The following MAST3 variants were observed in gnomAD, a reference collection of about 807,000 sequenced individuals.
MAST3 encodes the protein microtubule-associated serine/threonine-protein kinase 3.
A neutral mutation model predicts 127.0 loss-of-function variants in MAST3; 43 were observed. The observed-to-expected ratio is 0.34, with a 90% CI of 0.27 to 0.44. MAST3 has a LOEUF of 0.44. Ranked by LOEUF, MAST3 falls within the 20% of genes least tolerant of loss-of-function variation. The pLI is 1.00. For missense variants in MAST3, 1,390 were observed against 1,919.1 expected (o/e 0.72, Z 5.15); for synonymous variants, 785 against 809.2 (o/e 0.97, Z 0.51).
In MAST3 at chr19:18,151,386, AGTC is replaced by A. The variant is rs1344880848; in HGVS notation, c.*1663_*1665del. 6.6e-6 allele frequency: 1 copy of A among 152,198 alleles called. No homozygotes were observed. Among genetic ancestry groups the A allele is most frequent in the African/African-American group, 2.4e-5 (1 of 41,448 alleles). The allele number at this position is 152,198 out of a possible 1,614,324, so 9.4% of individuals were successfully genotyped here. A position where few individuals can be genotyped will look rare whatever the true frequency, so the allele number is the denominator to read the frequency against. On this transcript the variant is annotated 3_prime_UTR_variant, in exon 28 of 28. Coordinates refer to ENST00000687212, the MANE Select transcript of MAST3 (RefSeq NM_001393504.1). ...ACCTGTCCCACGATCACCCAGCAGG[AGTC>A]GTGGCAGAACGGAGCATCAGCCAGA...
rs1416828574 is a variant in MAST3, at chr19:18,123,997, C to T, written c.692C>T (p.Ala231Val). The change falls in exon 9 of 28, where the codon GCC becomes GTC. Residue 231 changes from alanine (A) to valine (V), a missense_variant. Transcript: ENST00000687212. ...QEFLTAYAPG[A>V]RLALADGVLG... is the part of the protein sequence containing the mutation. ...TTCCTGACGGCCTACGCGCCCGGCG[C>T]CCGGCTGGCGCTGGCTGATGGCGTC... 6.3e-7 allele frequency: 1 copy of T among 1,593,664 alleles called. No homozygotes were observed. Among genetic ancestry groups the T allele is most frequent in the Admixed American group, 1.7e-5 (1 of 57,486 alleles).
rs1223555865 is a variant in MAST3, at chr19:18,137,257, A to G, written c.1991A>G (p.Lys664Arg). ...RLGTGGTHEVKQHPFFLALDW... is the reference protein window; with the variant it reads ...RLGTGGTHEVRQHPFFLALDW... ...TCTGCAGGTGGCACCCACGAAGTGA[A>G]GCAGCACCCCTTTTTCCTGGCCCTG... The change falls in exon 19 of 28, where the codon AAG (lysine) becomes AGG (arginine). Residue 664 changes from lysine to arginine, a missense_variant. Lys to Arg is a conservative substitution (Grantham distance 26, BLOSUM62 2). Transcript: ENST00000687212. 26 of 1,613,732 alleles carry G rather than the reference A, an allele frequency of 1.6e-5. No individual in the cohort carries two copies. The highest frequency in any genetic ancestry group is 2.2e-5 in the Non-Finnish European group (26 of 1,179,730).
At chr19:18,134,382 C>CA (rs1409651015) in intron 15 of MAST3, among the ~76,000 whole-genome samples, 197 bp from the exon 16 acceptor site, 1 of 151,912 alleles carries the variant, frequency 6.6e-6, no homozygotes, top group African/African-American at 2.4e-5. Flanking sequence ...CTTATGTCTA[C>CA]AAAAAAAACC....
intron 3 of MAST3, among the ~76,000 whole-genome samples, chr19:18,116,034 C>A (rs1427047881): frequency 6.6e-6 from 1 of 151,816 alleles, no homozygotes; most frequent in Non-Finnish European, 1.5e-5. Context: ...CTAAAGTCGC[C>A]CCTTGCAGTG....
At chr19:18,123,875 CCATT>C (rs1568570053) in intron 8 of MAST3, 60 bp from the exon 9 acceptor site, 2 of 1,441,108 alleles carry the variant, frequency 1.4e-6, no homozygotes, top group Non-Finnish European at 1.9e-6. Context: ...CTCTCCTGCC[CCATT>C]CTGCGTGTGT....
chr19:18,139,757 G>A (rs536986575), intron 20 of MAST3, among the ~76,000 whole-genome samples: 10 of 152,144 alleles, frequency 6.6e-5, no homozygotes, highest in African/African-American at 2.2e-4. Context: ...CATCGCACCC[G>A]GCCTTGTATT....
At chr19:18,108,336 G>C (rs1198767063) in intron 2 of MAST3, among the ~76,000 whole-genome samples, 1 of 146,366 alleles carries the variant, frequency 6.8e-6, no homozygotes, top group African/African-American at 2.6e-5. Flanking sequence ...TCACATCAGT[G>C]TTCCTGTAGG....
At position 18,145,052 on chromosome 19, in the gene MAST3, G is replaced by A. The variant is rs200563399; in HGVS notation, c.2862G>A (p.Leu954=). The A allele has an allele frequency of 1.9e-6, 3 of 1,610,734 alleles. No homozygotes were observed. The highest frequency in any genetic ancestry group is 2.5e-6 in the Non-Finnish European group (3 of 1,179,718). The stretch of plus-strand genomic sequence containing the variant: ...TGAGCCCCCTTTCCCCGCGCTCTCT[G>A]TCCTCGAACCCGTCGTCCCGTGACT... ...PLMSPLSPRS[L]SSNPSSRDSS... Residue 954 remains leucine (L), a synonymous_variant, in exon 24 of 28, where the codon CTG becomes CTA. Transcript: ENST00000687212. The surrounding 1 kb of genome is among the most constrained non-coding windows in gnomAD (Gnocchi z 5.9).
chr19:18,101,145 A>G (rs2146778558), intron 1 of MAST3, among the ~76,000 whole-genome samples: 1 of 152,226 alleles, frequency 6.6e-6, no homozygotes, highest in Non-Finnish European at 1.5e-5. Flanking sequence ...TACATTTATC[A>G]TCTCCTACTT....
In MAST3 at chr19:18,145,199, C is replaced by T; in HGVS notation, c.3009C>T (p.Ser1003=). 1.9e-6 allele frequency: 3 copies of T among 1,613,938 alleles called. No homozygotes were observed. Among genetic ancestry groups the T allele is most frequent in the African/African-American group, 1.3e-5 (1 of 75,040 alleles). ...CGATCCGCGTCTACATGGGTGATAGCGACGTCTACACTGTGCACCACGTCG... is the reference window on the plus strand; with the variant it reads ...CGATCCGCGTCTACATGGGTGATAGTGACGTCTACACTGTGCACCACGTCG... The part of the protein sequence containing the change: ...LRAIRVYMGD[S]DVYTVHHVVW... The change falls in exon 24 of 28, where the codon AGC becomes AGT. Residue 1003 remains serine, a synonymous_variant. Coordinates refer to ENST00000687212, the MANE Select transcript of MAST3 (RefSeq NM_001393504.1). The surrounding 1 kb of genome is among the most constrained non-coding windows in gnomAD (Gnocchi z 5.9).
Position 18,123,989 on chromosome 19 carries a change from G to A in MAST3, c.684G>A (p.Ala228=), listed in dbSNP as rs753506687. The A allele has an allele frequency of 4.4e-5, 70 of 1,590,150 alleles. No homozygotes were observed. The highest frequency in any genetic ancestry group is 2.5e-4 in the Admixed American group (14 of 57,120). ...TGCAGGAGTTCCTGACGGCCTACGCGCCCGGCGCCCGGCTGGCGCTGGCTG... is the reference window on the plus strand; with the variant it reads ...TGCAGGAGTTCCTGACGGCCTACGCACCCGGCGCCCGGCTGGCGCTGGCTG... ...GRLQEFLTAY[A]PGARLALADG... Residue 228 remains alanine, a synonymous_variant, in exon 9 of 28, where the codon GCG becomes GCA. Coordinates refer to ENST00000687212, the MANE Select transcript of MAST3 (RefSeq NM_001393504.1).
At chr19:18,116,773 G>T (rs1179264414) in intron 3 of MAST3, among the ~76,000 whole-genome samples, 1 of 4,188 alleles carries the variant, frequency 2.4e-4, no homozygotes, top group African/African-American at 8.0e-4. Context: ...TTAGCTGGGC[G>T]TGGTGGTGCA....
At chr19:18,116,090 C>CTTTTTTTTTTTTTTT (rs3048876) in intron 3 of MAST3, among the ~76,000 whole-genome samples, 9 of 86,350 alleles carry the variant, frequency 1.0e-4, no homozygotes, top group African/African-American at 4.9e-4. Context: ...TTGAAATTAT[C>CTTTTTTTTTTTTTTT]TTTTTTTTTT....
chr19:18,110,066 C>G lies in MAST3; in HGVS notation c.72-586C>G, dbSNP rs572076120. 1 of 985,308 alleles carries G rather than the reference C, an allele frequency of 1.0e-6. No homozygotes were observed. The highest frequency in any genetic ancestry group is 1.7e-5 in the African/African-American group (1 of 57,342). The allele number at this position is 985,308 out of a possible 1,614,324, so 61.0% of individuals were successfully genotyped here. A position where few individuals can be genotyped will look rare whatever the true frequency, so the allele number is the denominator to read the frequency against. The stretch of plus-strand genomic sequence containing the variant: ...GCAGACAGGGCGGCACCCGCGGCTC[C>G]CCTTTCCCGCTGCGCGACCCTCGCT... On this transcript the variant is annotated intron_variant, in intron 2 of 27. Coordinates refer to ENST00000687212, the MANE Select transcript of MAST3 (RefSeq NM_001393504.1). The surrounding 1 kb of genome is among the most constrained non-coding windows in gnomAD (Gnocchi z 4.3).
intron 20 of MAST3, among the ~76,000 whole-genome samples, chr19:18,140,896 C>A (rs1352623507): frequency 6.6e-6 from 1 of 152,058 alleles, no homozygotes; most frequent in Non-Finnish European, 1.5e-5. Flanking sequence ...TGGGTTCAAG[C>A]GATTCTCCTG....
chr19:18,120,436 G>T (rs2039825093), intron 3 of MAST3, among the ~76,000 whole-genome samples: 1 of 152,168 alleles, frequency 6.6e-6, no homozygotes, highest in African/African-American at 2.4e-5. Context: ...ACCCTGAAAA[G>T]CTGGTCCAGG....
rs574689142 is a variant in MAST3, at chr19:18,124,692, T to A, written c.996T>A (p.His332Gln). Residue 332 changes from histidine (H) to glutamine (Q), a missense_variant, in exon 11 of 28, where the codon CAT becomes CAA. His to Gln is a conservative substitution (Grantham distance 24). This residue lies in a region of MAST3 where 277 missense variants were observed against 384.8 expected (regional missense o/e 0.72). Coordinates refer to ENST00000687212, the MANE Select transcript of MAST3 (RefSeq NM_001393504.1). ...FYHLLEAAEG[H>Q]AREGQGIKTD... is the part of the protein sequence containing the mutation. Reference sequence around the variant, plus strand: ...ACCTGCTGGAGGCGGCTGAGGGCCATGCGCGGGAGGGCCAAGGCATTAAGA... The same window carrying A: ...ACCTGCTGGAGGCGGCTGAGGGCCAAGCGCGGGAGGGCCAAGGCATTAAGA... 14 of 1,611,840 alleles carry A rather than the reference T, an allele frequency of 8.7e-6. No individual in the cohort carries two copies. In the South Asian group the frequency reaches 1.5e-4, roughly 18 times the overall value.
At chr19:18,119,757 C>T (rs1486106873) in intron 3 of MAST3, among the ~76,000 whole-genome samples, 2 of 152,192 alleles carry the variant, frequency 1.3e-5, no homozygotes, top group Non-Finnish European at 2.9e-5. Flanking sequence ...CATGTGGAGA[C>T]GTAGACAGGC....
Position 18,124,019 on chromosome 19 carries a change from C to A in MAST3, c.714C>A (p.Gly238=), listed in dbSNP as rs770128384. ...APGARLALAD[G]VLGFIHHQIV... is the part of the protein sequence containing the mutation. ...GCGCCCGGCTGGCGCTGGCTGATGGCGTCTTGGGCTTCATCCACCACCAGA... is the reference window on the plus strand; with the variant it reads ...GCGCCCGGCTGGCGCTGGCTGATGGAGTCTTGGGCTTCATCCACCACCAGA... Residue 238 remains glycine, a synonymous_variant, in exon 9 of 28, where the codon GGC becomes GGA. Coordinates refer to ENST00000687212, the MANE Select transcript of MAST3 (RefSeq NM_001393504.1). The A allele has an allele frequency of 6.3e-7, 1 of 1,599,728 alleles. No individual in the cohort carries two copies. Among genetic ancestry groups the A allele is most frequent in the African/African-American group, 1.3e-5 (1 of 74,606 alleles).
Sources: gnomAD v4.1 joint callset for allele counts (sites outside exome capture counted in the v4.1 genomes callset) on GRCh38, gnomAD v4.1.1 for gene constraint, gnomAD v4.1.1 regional missense constraint, Gnocchi (gnomAD v3.1) non-coding constraint, MANE v1.5 for transcripts, NCBI Gene and HGNC (gene_info 2026-07-23, HGNC 2026-07-21) for gene names.